The following LMO7 variants were observed in gnomAD, a reference collection of about 807,000 sequenced individuals.
The protein encoded by LMO7 is LIM domain 7, also known as LIM domain only protein 7.
Under a neutral mutation model 206.5 loss-of-function variants are expected in LMO7, and 120 were observed. The ratio of observed to expected loss-of-function variants is 0.58; its 90% confidence interval spans 0.50 to 0.68. The LOEUF is 0.68. Among genes scored for constraint, LMO7 ranks in the 30% least tolerant of loss-of-function variants. The probability of loss-of-function intolerance (pLI) is 0.00; values close to 1 mark genes in which losing one functional copy is unlikely to be tolerated. For missense variants in LMO7, 1,959 were observed against 1,957.9 expected (o/e 1.00, Z -0.01); for synonymous variants, 706 against 681.5 (o/e 1.04, Z -0.56).
chr13:75,681,916 G>A (rs1468898877), intron 1 of LMO7, among the ~76,000 whole-genome samples: 1 of 151,738 alleles, frequency 6.6e-6, no homozygotes, highest in African/African-American at 2.4e-5. Flanking sequence ...ATTTGAAGGA[G>A]ATTTGGGTTG....
chr13:75,837,299 A>C (rs2059206759), intron 19 of LMO7, among the ~76,000 whole-genome samples: 1 of 152,146 alleles, frequency 6.6e-6, no homozygotes, highest in African/African-American at 2.4e-5. Flanking sequence ...TTATCAAAGG[A>C]GTTTTTAAAG....
At chr13:75,791,671 T>C (rs1419535801) in intron 4 of LMO7, among the ~76,000 whole-genome samples, 1 of 152,086 alleles carries the variant, frequency 6.6e-6, no homozygotes, top group Admixed American at 6.5e-5. Context: ...TAGTAGATGG[T>C]TATAAATACA....
At chr13:75,826,430 T>C (rs1162654466) in intron 15 of LMO7, among the ~76,000 whole-genome samples, 2 of 152,196 alleles carry the variant, frequency 1.3e-5, no homozygotes, top group African/African-American at 4.8e-5. Context: ...TAGTGCATGC[T>C]ACACAAGACT....
intron 15 of LMO7, among the ~76,000 whole-genome samples, chr13:75,829,140 G>T (rs2058410945): frequency 6.6e-6 from 1 of 152,156 alleles, no homozygotes; most frequent in Admixed American, 6.6e-5. Context: ...TGTAGTCAGA[G>T]AGGCTGGAGA....
chr13:75,842,978 C>A, intron 25 of LMO7, 62 bp downstream of exon 25: 1 of 1,020,644 alleles, frequency 9.8e-7, no homozygotes, highest in Non-Finnish European at 1.5e-6. Context: ...TATTCCAGAG[C>A]TTGCATCGAT....
intron 1 of LMO7, among the ~76,000 whole-genome samples, chr13:75,705,072 G>GAGGTGTTGGTGC: frequency 6.6e-6 from 1 of 152,174 alleles, no homozygotes; most frequent in Non-Finnish European, 1.5e-5. Flanking sequence ...GTGTTGGTGC[G>GAGGTGTTGGTGC]GAATATGCCC....
In LMO7 at chr13:75,624,008, C is replaced by T. The variant is rs143756536; in HGVS notation, c.225+688C>T. ...AAATAGAATGCTTTGAATGACGATC[C>T]CAGTCTTCCTCCAGTATCTCCATGG... is the stretch of plus-strand genomic sequence containing the variant. On this transcript the variant is annotated intron_variant, in intron 2 of 29. Coordinates refer to the LMO7 transcript ENST00000341547. Among the ~76,000 whole-genome samples, 6 of 152,268 alleles carry T rather than the reference C, an allele frequency of 3.9e-5. No individual in the cohort carries two copies. The East Asian group carries it at 1.2e-3, about 29-fold the overall frequency.
intron 4 of LMO7, among the ~76,000 whole-genome samples, chr13:75,776,094 G>GATAT (rs58885943): frequency 8.4e-4 from 87 of 103,574 alleles, no homozygotes; most frequent in African/African-American, 2.7e-3. Context: ...AAATGTTGTG[G>GATAT]ATATATATAT....
intron 28 of LMO7, 145 bp downstream of exon 28, chr13:75,853,533 C>A: frequency 1.4e-6 from 1 of 714,554 alleles, no homozygotes; most frequent in Non-Finnish European, 2.2e-6. Context: ...AGTATGAAAT[C>A]AATGAAGGCT....
In LMO7 at chr13:75,855,374, A is replaced by G. The variant is rs771112678; in HGVS notation, c.4770+6A>G. On this transcript the variant is annotated splice_donor_region_variant and intron_variant, in intron 29 of 30. Transcript: ENST00000377534. The stretch of plus-strand genomic sequence containing the variant: ...ATCATTTGCATTGTTTTAAGGTGAG[A>G]CTGAGACAAACAGCTTGCAGGCCTG... The G allele has an allele frequency of 1.8e-5, 29 of 1,574,692 alleles. No individual in the cohort carries two copies. Among genetic ancestry groups the G allele is most frequent in the Non-Finnish European group, 2.5e-5 (29 of 1,144,814 alleles).
At chr13:75,737,248 A>G (rs530359809) in intron 3 of LMO7, among the ~76,000 whole-genome samples, 32 of 152,238 alleles carry the variant, frequency 2.1e-4, no homozygotes, top group African/African-American at 7.7e-4. Context: ...CAAGCCAGAG[A>G]ACACCTGCGA....
intron 3 of LMO7, among the ~76,000 whole-genome samples, chr13:75,743,558 G>T (rs2046593751): frequency 6.6e-6 from 1 of 152,148 alleles, no homozygotes; most frequent in South Asian, 2.1e-4. Flanking sequence ...AGGGACATGA[G>T]TGGAGCTGGA....
chr13:75,699,597 T>G (rs8001130), intron 1 of LMO7, among the ~76,000 whole-genome samples: 25 of 149,970 alleles, frequency 1.7e-4, no homozygotes, highest in African/African-American at 6.1e-4. Flanking sequence ...CAACACGTCT[T>G]TATTAGGGGT....
At chr13:75,836,914 C>A (rs1595428047) in intron 19 of LMO7, among the ~76,000 whole-genome samples, 1 of 152,156 alleles carries the variant, frequency 6.6e-6, no homozygotes, top group East Asian at 1.9e-4. Context: ...TTTGTAATGA[C>A]AAAGAAGGCA....
chr13:75,787,470 G>A (rs562968605), intron 4 of LMO7, among the ~76,000 whole-genome samples: 40 of 152,248 alleles, frequency 2.6e-4, no homozygotes, highest in African/African-American at 8.9e-4. Context: ...GTAGTGTGTG[G>A]GAGAGCTGTG....
intron 1 of LMO7, among the ~76,000 whole-genome samples, chr13:75,701,172 C>T (rs1202799716): frequency 4.6e-5 from 3 of 64,684 alleles, no homozygotes; most frequent in Non-Finnish European, 9.1e-5. Context: ...CATGTAGTGA[C>T]CTTTTTGCTT....
chr13:75,775,772 A>G (rs2050294873), intron 4 of LMO7, among the ~76,000 whole-genome samples: 1 of 152,060 alleles, frequency 6.6e-6, no homozygotes, highest in Non-Finnish European at 1.5e-5. Flanking sequence ...ACCAGTCAGA[A>G]TGGCTATTAT....
upstream of LMO7, among the ~76,000 whole-genome samples, chr13:75,634,688 A>C (rs865838983): frequency 4.0e-5 from 6 of 151,880 alleles, no homozygotes; most frequent in Non-Finnish European, 7.4e-5. Flanking sequence ...GCTTGCAGTG[A>C]GCCGAGATTG....
intron 1 of LMO7, among the ~76,000 whole-genome samples, chr13:75,685,890 CTTTTTTTTTTTT>C (rs551370410): frequency 1.9e-5 from 2 of 105,976 alleles, no homozygotes; most frequent in Admixed American, 1.0e-4. Context: ...TTTTCTTTCT[CTTTTTTTTTTTT>C]TTTTTTTTTT....
Sources: gnomAD v4.1 joint callset for allele counts (sites outside exome capture counted in the v4.1 genomes callset) on GRCh38, gnomAD v4.1.1 for gene constraint, MANE v1.5 for transcripts, NCBI Gene and HGNC (gene_info 2026-07-23, HGNC 2026-07-21) for gene names.